The following KAZN variants were observed in gnomAD, a reference collection of about 807,000 sequenced individuals.
KAZN encodes kazrin, periplakin interacting protein, also known as kazrin.
A neutral mutation model predicts 87.4 loss-of-function variants in KAZN; 40 were observed. The observed-to-expected ratio is 0.46, with a 90% CI of 0.36 to 0.60. KAZN has a LOEUF of 0.60. Ranked by LOEUF, KAZN falls within the 20% of genes least tolerant of loss-of-function variation. The pLI, the probability that KAZN is intolerant of heterozygous loss-of-function variation, is 0.00. For missense variants in KAZN, 898 were observed against 1,073.9 expected, an observed-to-expected ratio of 0.84 and a Z score of 2.29; for synonymous variants, 466 against 458.3, an observed-to-expected ratio of 1.02 and a Z score of -0.22.
At chr1:14,944,851 G>A (rs1661550181) in intron 1 of KAZN, among the ~76,000 whole-genome samples, 2 of 152,242 alleles carry the variant, frequency 1.3e-5, no homozygotes, top group African/African-American at 4.8e-5. Context: ...AAGGCCTTCT[G>A]CGGATGGCGG....
rs1641019620 is a variant in KAZN, at chr1:15,100,655, C to A, written c.1548-888C>A. On this transcript the variant is annotated intron_variant, in intron 10 of 14. Transcript: ENST00000376030. ...TGTATACGTGGTACAGGGGTCATTT[C>A]TATGTGGGGCACAAGGAAATCTGAG... Among the ~76,000 whole-genome samples, 6 of 152,318 alleles carry A rather than the reference C, an allele frequency of 3.9e-5. No homozygotes were observed. In the South Asian group the frequency reaches 1.2e-3, roughly 32 times the overall value.
At chr1:15,041,334 T>TTTTTTTTG (rs1198424921) in intron 3 of KAZN, among the ~76,000 whole-genome samples, 5 of 143,370 alleles carry the variant, frequency 3.5e-5, no homozygotes, top group Non-Finnish European at 6.1e-5. Context: ...TTTTTTTCTT[T>TTTTTTTTG]TTTTTTTTTT....
intron 1 of KAZN, among the ~76,000 whole-genome samples, chr1:14,800,443 G>T (rs1645974479): frequency 6.6e-6 from 1 of 152,316 alleles, no homozygotes; most frequent in Admixed American, 6.5e-5. Context: ...GCTCGTGCCT[G>T]TAATCCCAGC....
intron 2 of KAZN, among the ~76,000 whole-genome samples, chr1:14,565,502 G>A (rs1210269948): frequency 3.3e-5 from 5 of 152,250 alleles, no homozygotes; most frequent in South Asian, 4.2e-4. Context: ...GGAGGTTAGC[G>A]TGGCTCTGGC....
intron 1 of KAZN, among the ~76,000 whole-genome samples, chr1:14,792,423 G>A (rs78251179): frequency 0.049 from 7,395 of 152,264 alleles, 465 homozygotes; most frequent in Admixed American, 0.19. Context: ...CTTACCAAAC[G>A]TGGTGGCTTA....
chr1:14,403,362 C>T (rs1663576283), intron 2 of KAZN, among the ~76,000 whole-genome samples: 1 of 151,896 alleles, frequency 6.6e-6, no homozygotes, highest in African/African-American at 2.4e-5. Flanking sequence ...GCTTCAGGCT[C>T]AGCCAAGAGT....
chr1:14,959,819 A>G (rs1393878934), intron 1 of KAZN, among the ~76,000 whole-genome samples: 1 of 152,096 alleles, frequency 6.6e-6, no homozygotes, highest in East Asian at 1.9e-4. Flanking sequence ...ATCCGCCCGC[A>G]GGACTGAGAA....
chr1:13,894,926 G>A (rs1211884724), intron 1 of KAZN, among the ~76,000 whole-genome samples: 18 of 152,198 alleles, frequency 1.2e-4, no homozygotes, highest in Admixed American at 1.1e-3. Flanking sequence ...GAGGGCTCTG[G>A]AGCTGACTGC....
chr1:13,893,572 T>G, exon 1 of KAZN: 1 of 1,507,818 alleles, frequency 6.6e-7, no homozygotes, highest in Admixed American at 2.2e-5. Context: ...GCCTCAGATC[T>G]GCAGTTCCTG....
chr1:15,073,054 C>T (rs1196709827), intron 8 of KAZN, among the ~76,000 whole-genome samples: 3 of 152,170 alleles, frequency 2.0e-5, no homozygotes, highest in African/African-American at 7.2e-5. Context: ...CCATAGCTGG[C>T]GAAAGAATCA....
intron 1 of KAZN, among the ~76,000 whole-genome samples, chr1:14,898,123 A>T (rs1283918916): frequency 6.6e-6 from 1 of 152,196 alleles, no homozygotes; most frequent in Non-Finnish European, 1.5e-5. Flanking sequence ...GCACAGTTAT[A>T]AGCGAGAATC....
Position 14,947,158 on chromosome 1 carries a change from G to A in KAZN, c.227-13526G>A, listed in dbSNP as rs181949724. Among the ~76,000 whole-genome samples, 40 of 152,360 alleles carry A rather than the reference G, an allele frequency of 2.6e-4. 1 individual carries two copies. The highest frequency in any genetic ancestry group is 8.4e-4 in the African/African-American group (35 of 41,580). On this transcript the variant is annotated intron_variant, in intron 1 of 14. Coordinates refer to ENST00000376030, the MANE Select transcript of KAZN (RefSeq NM_201628.3). Reference sequence around the variant, plus strand: ...GGCCGTGCTCAAGTTGCTTCCTCCCGATCTGCAGTGAGCTTTGGGCTCCCT... The same window carrying A: ...GGCCGTGCTCAAGTTGCTTCCTCCCAATCTGCAGTGAGCTTTGGGCTCCCT...
intron 1 of KAZN, among the ~76,000 whole-genome samples, chr1:14,658,604 A>G (rs1310239347): frequency 1.3e-5 from 2 of 152,030 alleles, no homozygotes; most frequent in African/African-American, 2.4e-5. Flanking sequence ...CTTGGAAAAT[A>G]TATGTATATA....
intron 1 of KAZN, among the ~76,000 whole-genome samples, chr1:14,086,017 CT>C (rs927192070): frequency 6.6e-6 from 1 of 152,038 alleles, no homozygotes; most frequent in African/African-American, 2.4e-5. Flanking sequence ...CTTATTGGCC[CT>C]CATATTCTTA....
At chr1:14,442,892 C>G (rs780464882) in intron 2 of KAZN, among the ~76,000 whole-genome samples, 2 of 152,342 alleles carry the variant, frequency 1.3e-5, no homozygotes, top group South Asian at 2.1e-4. Flanking sequence ...CTGGCCCCTG[C>G]TCCCCGACAC....
intron 8 of KAZN, among the ~76,000 whole-genome samples, chr1:15,072,307 C>G (rs1639540420): frequency 1.3e-5 from 2 of 152,228 alleles, no homozygotes; most frequent in Admixed American, 1.3e-4. Context: ...GGGGTAAAAT[C>G]AGGGCATCGG....
chr1:15,093,159 A>G (rs1343531132), intron 8 of KAZN, among the ~76,000 whole-genome samples: 2 of 152,170 alleles, frequency 1.3e-5, no homozygotes, highest in Admixed American at 6.5e-5. Context: ...AAGGTACCGC[A>G]GGTCTCTGTG....
chr1:14,630,731 A>G (rs1433113481), intron 1 of KAZN, among the ~76,000 whole-genome samples: 1 of 152,178 alleles, frequency 6.6e-6, no homozygotes, highest in Non-Finnish European at 1.5e-5. Flanking sequence ...AGTGTAGCCT[A>G]GCAGAGAAGT....
Position 14,825,942 on chromosome 1 carries a change from C to A in KAZN, c.227-134742C>A, listed in dbSNP as rs112881073. ...TCCAGCACTTAACCCAAGGCCAGCA[C>A]GTAGCAGGTGCTCAGTGAACACGCT... On this transcript the variant is annotated intron_variant, in intron 1 of 14. Transcript: ENST00000376030. 3.3e-5 allele frequency among the ~76,000 whole-genome samples: 5 copies of A among 152,288 alleles called. No homozygotes were observed. The East Asian group carries it at 9.6e-4, about 29-fold the overall frequency.
Sources: allele counts gnomAD v4.1 joint callset (sites outside exome capture counted in the v4.1 genomes callset), GRCh38; gene constraint gnomAD v4.1.1; transcripts MANE v1.5; gene names NCBI Gene and HGNC (gene_info 2026-07-23, HGNC 2026-07-21).